Variants in DSCAM observed in about 807,000 individuals in gnomAD.
The protein encoded by DSCAM is DS cell adhesion molecule.
A neutral mutation model predicts 217.7 loss-of-function variants in DSCAM; 47 were observed. The ratio of observed to expected loss-of-function variants is 0.22; its 90% confidence interval spans 0.17 to 0.28. The LOEUF is 0.28. Among genes scored for constraint, DSCAM ranks in the 10% least tolerant of loss-of-function variants. The pLI is 1.00. For synonymous variants in DSCAM, 1,056 were observed against 1,015.3 expected (o/e 1.04, Z -0.76); for missense variants, 2,080 against 2,618.3 (o/e 0.79, Z 4.49).
At chr21:40,361,495 T>A (rs561701596) in intron 4 of DSCAM, among the ~76,000 whole-genome samples, 38 of 152,120 alleles carry the variant, frequency 2.5e-4, no homozygotes, top group Non-Finnish European at 3.7e-4. Flanking sequence ...GGTGCATGCC[T>A]GTAGTCCCAG....
intron 3 of DSCAM, among the ~76,000 whole-genome samples, chr21:40,574,312 G>A (rs1355693689): frequency 6.6e-6 from 1 of 151,890 alleles, no homozygotes; most frequent in African/African-American, 2.4e-5. Context: ...ATACAAAATT[G>A]GCTTAACATT....
intron 3 of DSCAM, among the ~76,000 whole-genome samples, chr21:40,690,625 G>T (rs1312800016): frequency 6.6e-6 from 1 of 152,138 alleles, no homozygotes; most frequent in African/African-American, 2.4e-5. Flanking sequence ...TATCAGAGGG[G>T]CATAAATTCT....
rs372610250 is a variant in DSCAM, at chr21:40,108,799, G to A, written c.3697-14925C>T. On this transcript the variant is annotated intron_variant, in intron 20 of 32. Transcript: ENST00000400454. The stretch of plus-strand genomic sequence containing the variant: ...ACAGCATGGTTCTGGTACAAGAACA[G>A]ACACATAGACCAATGGAACAGAATA... Among the ~76,000 whole-genome samples, 7 of 152,180 alleles carry A rather than the reference G, an allele frequency of 4.6e-5. No homozygotes were observed. In the East Asian group the frequency reaches 1.3e-3, roughly 29 times the overall value.
intron 3 of DSCAM, among the ~76,000 whole-genome samples, chr21:40,497,196 C>T (rs1409095154): frequency 6.6e-6 from 1 of 152,216 alleles, no homozygotes; most frequent in Admixed American, 6.5e-5. Flanking sequence ...TCTCCACCTC[C>T]ATGTTCATTG....
At chr21:40,135,634 CTCAT>C (rs939107359) in intron 18 of DSCAM, among the ~76,000 whole-genome samples, 8 of 152,134 alleles carry the variant, frequency 5.3e-5, no homozygotes, top group African/African-American at 1.9e-4. Context: ...TTCCTTCCTG[CTCAT>C]TGTTTTTCTT....
intron 3 of DSCAM, among the ~76,000 whole-genome samples, chr21:40,387,840 TAAAC>T (rs1341035420): frequency 1.3e-5 from 2 of 152,084 alleles, no homozygotes; most frequent in Non-Finnish European, 2.9e-5. Context: ...AAATATTAGA[TAAAC>T]AATAAAATAT....
intron 30 of DSCAM, among the ~76,000 whole-genome samples, chr21:40,048,836 G>A (rs1409824565): frequency 6.6e-6 from 1 of 152,162 alleles, no homozygotes; most frequent in Non-Finnish European, 1.5e-5. Context: ...GCTAGTGGGG[G>A]ACTGTGCTTC....
At position 40,588,624 on chromosome 21, in the gene DSCAM, A is replaced by C. The variant is rs541849640; in HGVS notation, c.508+104186T>G. Among the ~76,000 whole-genome samples, 6 of 152,310 alleles carry C rather than the reference A, an allele frequency of 3.9e-5. No individual in the cohort carries two copies. The South Asian group carries it at 1.2e-3, about 32-fold the overall frequency. Reference sequence around the variant, plus strand: ...GATGGATAAAAATGGTTGTTTAGCAAAGTAATAAATAATGATAATCTAATA... The same window carrying C: ...GATGGATAAAAATGGTTGTTTAGCACAGTAATAAATAATGATAATCTAATA... On this transcript the variant is annotated intron_variant, in intron 3 of 32. Coordinates refer to ENST00000400454, the MANE Select transcript of DSCAM (RefSeq NM_001389.5).
intron 8 of DSCAM, among the ~76,000 whole-genome samples, chr21:40,336,306 A>G (rs918227481): frequency 6.6e-6 from 1 of 152,222 alleles, no homozygotes; most frequent in Non-Finnish European, 1.5e-5. Context: ...AAATGAGCCC[A>G]TCACTCCTAC....
chr21:40,809,693 G>T (rs2091820388), intron 1 of DSCAM, among the ~76,000 whole-genome samples: 1 of 152,110 alleles, frequency 6.6e-6, no homozygotes, highest in African/African-American at 2.4e-5. Flanking sequence ...TTTCATCTTT[G>T]TTATATTCAT....
chr21:40,764,329 A>C (rs1340940514), intron 1 of DSCAM, among the ~76,000 whole-genome samples: 1 of 74,256 alleles, frequency 1.3e-5, no homozygotes, highest in African/African-American at 3.2e-5. Context: ...ATGCCGCCAA[A>C]AAAAAAAAAA....
intron 11 of DSCAM, among the ~76,000 whole-genome samples, chr21:40,256,855 G>A (rs970402354): frequency 7.9e-5 from 12 of 152,068 alleles, no homozygotes; most frequent in African/African-American, 1.9e-4. Flanking sequence ...ATCCATGCAC[G>A]TCTGCTTACA....
At chr21:40,793,350 G>A (rs2091663640) in intron 1 of DSCAM, among the ~76,000 whole-genome samples, 1 of 152,146 alleles carries the variant, frequency 6.6e-6, no homozygotes, top group Non-Finnish European at 1.5e-5. Flanking sequence ...GAGAGGGTTT[G>A]CAGCATTAGA....
chr21:40,845,540 C>CTCCTCTCTCTCTCTCTCTCT (rs1555894716), intron 1 of DSCAM, among the ~76,000 whole-genome samples: 1 of 138,888 alleles, frequency 7.2e-6, no homozygotes, highest in African/African-American at 2.8e-5. Context: ...CTCTTCTTCT[C>CTCCTCTCTCTCTCTCTCTCT]CTCTCTCTCT....
At chr21:40,639,496 T>C (rs2089850752) in intron 3 of DSCAM, among the ~76,000 whole-genome samples, 1 of 152,228 alleles carries the variant, frequency 6.6e-6, no homozygotes, top group Non-Finnish European at 1.5e-5. Flanking sequence ...ATTTAATTGA[T>C]GTGGGCTAGA....
At chr21:40,106,293 A>G (rs1331176401) in intron 20 of DSCAM, among the ~76,000 whole-genome samples, 1 of 152,226 alleles carries the variant, frequency 6.6e-6, no homozygotes, top group Admixed American at 6.5e-5. Flanking sequence ...AATGTGAGGT[A>G]CAATTCAAGA....
intron 3 of DSCAM, among the ~76,000 whole-genome samples, chr21:40,446,467 A>G (rs1038191308): frequency 1.3e-5 from 2 of 152,166 alleles, no homozygotes; most frequent in Admixed American, 1.3e-4. Context: ...GTCAGACCCC[A>G]CTCAGTATCC....
intron 19 of DSCAM, among the ~76,000 whole-genome samples, chr21:40,124,568 G>A (rs1419356990): frequency 6.6e-6 from 1 of 152,216 alleles, no homozygotes; most frequent in African/African-American, 2.4e-5. Context: ...AGTTTGTTAG[G>A]GTGGTCCCTA....
intron 3 of DSCAM, among the ~76,000 whole-genome samples, chr21:40,476,215 A>T (rs1376687570): frequency 1.3e-5 from 2 of 152,316 alleles, no homozygotes; most frequent in Non-Finnish European, 2.9e-5. Context: ...GAAGGCCCTT[A>T]GTGAAGGTAT....
Sources: allele counts gnomAD v4.1 joint callset (sites outside exome capture counted in the v4.1 genomes callset), GRCh38; gene constraint gnomAD v4.1.1; transcripts MANE v1.5; gene names NCBI Gene and HGNC (gene_info 2026-07-23, HGNC 2026-07-21).